ATP2C2: variants seen among roughly 807,000 people sequenced by gnomAD.
The protein encoded by ATP2C2 is calcium-transporting ATPase type 2C member 2.
A neutral mutation model predicts 110.8 loss-of-function variants in ATP2C2; 171 were observed. The ratio of observed to expected loss-of-function variants is 1.54; its 90% confidence interval spans 1.36 to 1.75. The LOEUF (loss-of-function observed/expected upper bound fraction) is 1.75. Ranked by LOEUF, ATP2C2 falls within the 40% of genes most tolerant of loss-of-function variation. ATP2C2 has a pLI of 0.00. For missense variants in ATP2C2, 1,963 were observed against 1,235.0 expected (o/e 1.59, Z -8.84); for synonymous variants, 804 against 508.4 (o/e 1.58, Z -7.82).
chr16:84,445,910 A>G (rs899031405), intron 15 of ATP2C2, among the ~76,000 whole-genome samples: 2 of 152,198 alleles, frequency 1.3e-5, no homozygotes, highest in African/African-American at 4.8e-5. Context: ...GCCACCAAAG[A>G]GCAACAAAGG....
In ATP2C2 at chr16:84,461,516, C is replaced by T. The variant is rs919046056; in HGVS notation, c.2482-198C>T. 9.7e-5 allele frequency: 61 copies of T among 630,944 alleles called. No individual in the cohort carries two copies. In the East Asian group the frequency reaches 1.4e-3, roughly 15 times the overall value. 39.1% of individuals were successfully genotyped at this position (630,944 alleles called of 1,614,324 possible). On this transcript the variant is annotated intron_variant, in intron 24 of 26. Transcript: ENST00000262429. ...CCTGCCCCCATCCTCATGGTGGCAG[C>T]AAATCAGCATGTGCTGGGGAGACCC... is the stretch of plus-strand genomic sequence containing the variant.
intron 17 of ATP2C2, among the ~76,000 whole-genome samples, chr16:84,450,633 C>T (rs1910172202): frequency 1.3e-5 from 2 of 152,082 alleles, no homozygotes; most frequent in Non-Finnish European, 2.9e-5. Context: ...AGTGTCATGA[C>T]TGTGTAGGAG....
chr16:84,447,914 T>G (rs1007015677), intron 16 of ATP2C2, among the ~76,000 whole-genome samples: 37 of 149,986 alleles, frequency 2.5e-4, no homozygotes, highest in African/African-American at 8.8e-4. Flanking sequence ...TATTATATTA[T>G]CTTATAACAG....
intron 20 of ATP2C2, 86 bp downstream of exon 20, chr16:84,453,457 T>C (rs1183320466): frequency 6.4e-7 from 1 of 1,555,324 alleles, no homozygotes; most frequent in South Asian, 1.1e-5. Flanking sequence ...GTCCGTCGGG[T>C]GACAGTGCAG....
At chr16:84,394,742 T>G (rs1369570263) in intron 1 of ATP2C2, among the ~76,000 whole-genome samples, 3 of 152,132 alleles carry the variant, frequency 2.0e-5, no homozygotes, top group Admixed American at 2.0e-4. Context: ...CTCCAGCCTC[T>G]GCCTCCATCA....
chr16:84,442,802 A>G lies in ATP2C2; in HGVS notation c.1401+203A>G, dbSNP rs73245990. ...TCCACGGGACTTCAGCAAGTTCTGC[A>G]GGTCTCTAATCCCTCCACCAGCGAT... On this transcript the variant is annotated intron_variant, in intron 15 of 26. Transcript: ENST00000262429. Among the ~76,000 whole-genome samples the G allele has an allele frequency of 7.2e-3, 1,100 of 152,236 alleles. 17 individuals carry two copies. The highest frequency in any genetic ancestry group is 0.025 in the African/African-American group (1,037 of 41,534).
chr16:84,461,321 C>T (rs188023129), intron 24 of ATP2C2: 221 of 311,410 alleles, frequency 7.1e-4, no homozygotes, highest in African/African-American at 4.2e-3. Context: ...GGACCCTGGC[C>T]GGGTACCCTG....
chr16:84,397,691 G>A (rs943666723), intron 1 of ATP2C2, among the ~76,000 whole-genome samples: 24 of 90,144 alleles, frequency 2.7e-4, no homozygotes, highest in African/African-American at 7.7e-4. Context: ...AAAAATAGAT[G>A]CATCAGTATT....
chr16:84,410,549 T>A lies in ATP2C2; in HGVS notation c.418-19T>A. On this transcript the variant is annotated intron_variant, in intron 4 of 26. Transcript: ENST00000262429. Reference sequence around the variant, plus strand: ...CACTGAGCCTCTGGTACTGACACCCTCCTCCGTTTGCTGTCTAGGCAGTGC... The same window carrying A: ...CACTGAGCCTCTGGTACTGACACCCACCTCCGTTTGCTGTCTAGGCAGTGC... 1 of 1,613,480 alleles carries A rather than the reference T, an allele frequency of 6.2e-7. No homozygotes were observed. The highest frequency in any genetic ancestry group is 8.5e-7 in the Non-Finnish European group (1 of 1,179,730).
chr16:84,441,809 C>G (rs1202854937), intron 14 of ATP2C2, among the ~76,000 whole-genome samples: 2 of 152,148 alleles, frequency 1.3e-5, no homozygotes, highest in African/African-American at 2.4e-5. Context: ...GTAGTCCCAG[C>G]TACTCAGGAG....
chr16:84,459,883 A>G lies in ATP2C2; in HGVS notation c.2333+497A>G, dbSNP rs114086955. 2.1e-3 allele frequency: 731 copies of G among 346,834 alleles called. 3 individuals carry two copies. Among genetic ancestry groups the G allele is most frequent in the African/African-American group, 0.015 (701 of 47,774 alleles). 21.5% of individuals were successfully genotyped at this position (346,834 alleles called of 1,614,324 possible). On this transcript the variant is annotated intron_variant, in intron 23 of 26. Transcript: ENST00000262429. ...GATGTCTAGAGATAAAGGGCTTGCC[A>G]CTCAGTAGGTGCTCAGGAGTCCACC...
chr16:84,415,828 C>T (rs555350980), intron 7 of ATP2C2, among the ~76,000 whole-genome samples: 11 of 152,274 alleles, frequency 7.2e-5, no homozygotes, highest in Admixed American at 2.6e-4. Flanking sequence ...TTTGGCTATA[C>T]GATTTTCCAG....
chr16:84,459,842 T>C (rs1911097868), intron 23 of ATP2C2: 2 of 420,770 alleles, frequency 4.8e-6, no homozygotes, highest in South Asian at 5.1e-5. Flanking sequence ...GGAGGCGGAG[T>C]TTGTGTTTCA....
rs111350979 is a variant in ATP2C2, at chr16:84,447,863, C to T, written c.1504-670C>T. On this transcript the variant is annotated intron_variant, in intron 16 of 26. Coordinates refer to ENST00000262429, the MANE Select transcript of ATP2C2 (RefSeq NM_014861.4). ...TAATTAATATTATATTTATTAATAA[C>T]ATTAATATGTTAATTACATATTAAT... Among the ~76,000 whole-genome samples the T allele has an allele frequency of 2.1e-5, 3 of 144,284 alleles. No homozygotes were observed. The East Asian group carries it at 5.9e-4, about 28-fold the overall frequency. 94.7% of individuals were successfully genotyped at this position (144,284 alleles called of 152,430 possible).
intron 1 of ATP2C2, among the ~76,000 whole-genome samples, chr16:84,384,841 G>C (rs576649827): frequency 2.1e-4 from 32 of 152,326 alleles, no homozygotes; most frequent in Non-Finnish European, 4.0e-4. Flanking sequence ...CTTCAGGTCA[G>C]AAGTTCAAGA....
intron 1 of ATP2C2, among the ~76,000 whole-genome samples, chr16:84,398,166 C>T (rs1905105954): frequency 6.6e-6 from 1 of 151,938 alleles, no homozygotes; most frequent in Non-Finnish European, 1.5e-5. Flanking sequence ...CTTTGGGAGG[C>T]CGAGGCAAGC....
chr16:84,370,209 C>G (rs1347220127), intron 1 of ATP2C2, among the ~76,000 whole-genome samples: 1 of 152,180 alleles, frequency 6.6e-6, no homozygotes, highest in African/African-American at 2.4e-5. Flanking sequence ...GGACTCGTCC[C>G]TCCAAAGCTT....
At chr16:84,446,590 C>G (rs1021423730) in intron 16 of ATP2C2, among the ~76,000 whole-genome samples, 160 bp downstream of exon 16, 1 of 152,180 alleles carries the variant, frequency 6.6e-6, no homozygotes, top group African/African-American at 2.4e-5. Flanking sequence ...ACCTTTGATT[C>G]TCTTGGGTCT....
rs931535136 is a variant in ATP2C2 at position 84,397,708 on chromosome 16, C to A, written c.100-791C>A. Among the ~76,000 whole-genome samples the A allele has an allele frequency of 4.8e-5, 6 of 125,996 alleles. No individual in the cohort carries two copies. The East Asian group carries it at 1.3e-3, about 27-fold the overall frequency. The allele number at this position is 125,996 out of a possible 152,430, so 82.7% of individuals were successfully genotyped here. ...AAATAGATGCATCAGTATTAGCCAA[C>A]AACTAACAACTGGAACCCAGATATT... On this transcript the variant is annotated intron_variant, in intron 1 of 26. Coordinates refer to ENST00000262429, the MANE Select transcript of ATP2C2 (RefSeq NM_014861.4).
Sources: gnomAD v4.1 joint callset for allele counts (sites outside exome capture counted in the v4.1 genomes callset) on GRCh38, gnomAD v4.1.1 for gene constraint, MANE v1.5 for transcripts, NCBI Gene and HGNC (gene_info 2026-07-23, HGNC 2026-07-21) for gene names.